The following LSAMP variants were observed in gnomAD, a reference collection of about 807,000 sequenced individuals.
LSAMP encodes the protein limbic system associated membrane protein, also known as limbic system-associated membrane protein.
In LSAMP, 7 loss-of-function variants were observed where a neutral mutation model predicts 38.6. The observed-to-expected ratio is 0.18, with a 90% confidence interval of 0.10 to 0.34. The LOEUF (loss-of-function observed/expected upper bound fraction) is 0.34. LSAMP is among the 10% of genes least tolerant of loss of function. The pLI is 1.00. For synonymous variants in LSAMP, 154 were observed against 166.8 expected (o/e 0.92, Z 0.59); for missense variants, 313 against 420.0 (o/e 0.75, Z 2.23).
At chr3:116,191,887 C>G (rs1446354976) in intron 1 of LSAMP, among the ~76,000 whole-genome samples, 1 of 152,014 alleles carries the variant, frequency 6.6e-6, no homozygotes, top group African/African-American at 2.4e-5. Context: ...TCAGATTTAA[C>G]TCTTTCATCA....
At chr3:115,898,703 C>G (rs1029447215) in intron 3 of LSAMP, among the ~76,000 whole-genome samples, 1 of 151,834 alleles carries the variant, frequency 6.6e-6, no homozygotes. Flanking sequence ...AATGGTCCAG[C>G]CTCCCTGGCT....
chr3:116,011,595 C>G (rs1940327226), intron 3 of LSAMP, among the ~76,000 whole-genome samples: 1 of 152,050 alleles, frequency 6.6e-6, no homozygotes, highest in Non-Finnish European at 1.5e-5. Flanking sequence ...CTGACCATTT[C>G]CATACTTAGA....
chr3:116,428,627 G>C (rs1349127218), intron 1 of LSAMP, among the ~76,000 whole-genome samples: 2 of 152,108 alleles, frequency 1.3e-5, no homozygotes, highest in Admixed American at 1.3e-4. Context: ...TGTGTATATG[G>C]AAGTTTGGAA....
chr3:116,377,036 A>C (rs778871277), intron 1 of LSAMP, among the ~76,000 whole-genome samples: 8 of 151,912 alleles, frequency 5.3e-5, no homozygotes, highest in Non-Finnish European at 1.0e-4. Flanking sequence ...TTCAAATACC[A>C]TTTTATTTAC....
intron 1 of LSAMP, among the ~76,000 whole-genome samples, chr3:116,262,530 TCTAGG>T (rs775835152): frequency 6.6e-6 from 1 of 152,224 alleles, no homozygotes; most frequent in Non-Finnish European, 1.5e-5. Context: ...TGTCTGGGAT[TCTAGG>T]CTTTTGGGCT....
chr3:116,144,127 G>A (rs566171067), intron 1 of LSAMP, among the ~76,000 whole-genome samples: 1 of 152,044 alleles, frequency 6.6e-6, no homozygotes, highest in Non-Finnish European at 1.5e-5. Flanking sequence ...GACATTTTAT[G>A]TGGTCATTTT....
intron 3 of LSAMP, among the ~76,000 whole-genome samples, chr3:115,872,431 G>T (rs934759235): frequency 6.6e-6 from 1 of 152,040 alleles, no homozygotes; most frequent in Admixed American, 6.6e-5. Flanking sequence ...ATTAGCAAAG[G>T]CAAGAGGAAA....
intron 2 of LSAMP, among the ~76,000 whole-genome samples, chr3:116,066,746 T>C: frequency 6.6e-6 from 1 of 152,218 alleles, no homozygotes; most frequent in East Asian, 1.9e-4. Flanking sequence ...TCTAAGTTCT[T>C]TATATGATAG....
chr3:116,066,170 T>C (rs778787941), intron 2 of LSAMP, among the ~76,000 whole-genome samples: 6 of 152,180 alleles, frequency 3.9e-5, no homozygotes, highest in Non-Finnish European at 8.8e-5. Context: ...CTTTTCACTT[T>C]GTCCTCACAG....
intron 3 of LSAMP, among the ~76,000 whole-genome samples, chr3:115,963,633 G>T (rs963762268): frequency 6.6e-6 from 1 of 152,138 alleles, no homozygotes; most frequent in Non-Finnish European, 1.5e-5. Flanking sequence ...ACTTGAAATC[G>T]GTGTAAGAGG....
chr3:116,243,217 G>C (rs1338735483), intron 1 of LSAMP, among the ~76,000 whole-genome samples: 1 of 152,152 alleles, frequency 6.6e-6, no homozygotes, highest in Non-Finnish European at 1.5e-5. Context: ...ATCAACTGAG[G>C]CAAAAAGGAC....
chr3:116,185,336 C>T (rs147212052), intron 1 of LSAMP, among the ~76,000 whole-genome samples: 28 of 152,112 alleles, frequency 1.8e-4, no homozygotes, highest in East Asian at 1.7e-3. Flanking sequence ...ATGTGGCCAG[C>T]TCTTAACCCT....
chr3:116,342,259 C>A (rs1347689488), intron 1 of LSAMP, among the ~76,000 whole-genome samples: 1 of 151,930 alleles, frequency 6.6e-6, no homozygotes, highest in Non-Finnish European at 1.5e-5. Flanking sequence ...GGTTTCAGTG[C>A]CTTTTTAAAT....
At chr3:116,216,557 T>C (rs1289746955) in intron 1 of LSAMP, among the ~76,000 whole-genome samples, 3 of 132,042 alleles carry the variant, frequency 2.3e-5, no homozygotes, top group Non-Finnish European at 3.2e-5. Context: ...AAGCAAAGAA[T>C]GAGAAAAAAA....
intron 1 of LSAMP, among the ~76,000 whole-genome samples, chr3:116,325,336 A>G (rs1321415648): frequency 6.6e-6 from 1 of 151,812 alleles, no homozygotes; most frequent in Non-Finnish European, 1.5e-5. Context: ...AGGAATCGCT[A>G]CCTCTTTCTT....
chr3:115,879,115 TTACCA>T (rs1936259722), intron 3 of LSAMP, among the ~76,000 whole-genome samples: 1 of 152,190 alleles, frequency 6.6e-6, no homozygotes, highest in Non-Finnish European at 1.5e-5. Flanking sequence ...TATGTCATTA[TTACCA>T]TTCCTTGGGC....
At chr3:116,232,957 C>T (rs2046421494) in intron 1 of LSAMP, among the ~76,000 whole-genome samples, 1 of 151,782 alleles carries the variant, frequency 6.6e-6, no homozygotes, top group Non-Finnish European at 1.5e-5. Context: ...TATTTAATAC[C>T]CCCCAACCCC....
intron 3 of LSAMP, among the ~76,000 whole-genome samples, chr3:115,915,936 T>G (rs1319794444): frequency 6.6e-6 from 1 of 152,140 alleles, no homozygotes; most frequent in Non-Finnish European, 1.5e-5. Flanking sequence ...TAGAACACTA[T>G]GCTGACTTTG....
chr3:116,348,351 A>G (rs1390925277), intron 1 of LSAMP, among the ~76,000 whole-genome samples: 1 of 152,090 alleles, frequency 6.6e-6, no homozygotes, highest in Non-Finnish European at 1.5e-5. Flanking sequence ...TGAATAAGGA[A>G]CCCATACCAA....
Sources: allele counts gnomAD v4.1 joint callset (sites outside exome capture counted in the v4.1 genomes callset), GRCh38; gene constraint gnomAD v4.1.1; transcripts MANE v1.5; gene names NCBI Gene and HGNC (gene_info 2026-07-23, HGNC 2026-07-21).